Variants in MYH6 observed in about 807,000 individuals in gnomAD.
MYH6 encodes myosin heavy chain 6, also known as myosin-6.
Under a neutral mutation model 223.2 loss-of-function variants are expected in MYH6, and 126 were observed. The ratio of observed to expected loss-of-function variants is 0.56; its 90% CI spans 0.49 to 0.65. The LOEUF is 0.65. Among genes scored for constraint, MYH6 ranks in the 30% least tolerant of loss-of-function variants. MYH6 has a pLI of 0.00. For missense variants in MYH6, 2,040 were observed against 2,536.4 expected (o/e 0.80, Z 4.20); for synonymous variants, 978 against 1,010.2 (o/e 0.97, Z 0.61).
intron 20 of MYH6, among the ~76,000 whole-genome samples, chr14:23,395,774 C>T (rs1471274672): frequency 1.3e-5 from 2 of 151,836 alleles, no homozygotes; most frequent in Admixed American, 6.6e-5. Flanking sequence ...GTGATCCACC[C>T]GCCTCGGCCT....
chr14:23,383,133 C>T (rs1340260420), intron 37 of MYH6, 92 bp downstream of exon 37: 7 of 1,161,366 alleles, frequency 6.0e-6, no homozygotes, highest in Middle Eastern at 2.8e-4. Context: ...TTATAGCAAA[C>T]TCTTTGTCCA....
Position 23,403,786 on chromosome 14 carries a change from C to G in MYH6, c.736-8G>C, listed in dbSNP as rs377383489. ...GATCCTAATGAATTTCCCCTGGGGA[C>G]GAATGGGACAGAGTGAGGGAACTGG... On this transcript the variant is annotated splice_region_variant and splice_polypyrimidine_tract_variant and intron_variant, in intron 8 of 38. Transcript: ENST00000405093. The G allele has an allele frequency of 9.9e-6, 16 of 1,608,098 alleles. No individual in the cohort carries two copies. Among genetic ancestry groups the G allele is most frequent in the African/African-American group, 2.7e-5 (2 of 74,772 alleles).
chr14:23,383,335 G>T lies in MYH6; in HGVS notation c.5566-15C>A, dbSNP rs770872255. The T allele has an allele frequency of 3.9e-5, 19 of 488,948 alleles. No individual in the cohort carries two copies. Among genetic ancestry groups the T allele is most frequent in the Non-Finnish European group, 6.2e-5 (15 of 243,604 alleles). 30.3% of individuals were successfully genotyped at this position (488,948 alleles called of 1,614,324 possible). A position where few individuals can be genotyped will look rare whatever the true frequency, so the allele number is the denominator to read the frequency against. ...TCTTCCTCTGTCTGGGGGTGGGAGGGTGGGAGAAGCTGGTTTGGAGGGGGA... is the reference window on the plus strand; with the variant it reads ...TCTTCCTCTGTCTGGGGGTGGGAGGTTGGGAGAAGCTGGTTTGGAGGGGGA... On this transcript the variant is annotated splice_polypyrimidine_tract_variant and intron_variant, in intron 36 of 38. Coordinates refer to ENST00000405093, the MANE Select transcript of MYH6 (RefSeq NM_002471.4).
At position 23,389,004 on chromosome 14, in the gene MYH6, G is replaced by C; in HGVS notation, c.4030C>G (p.Leu1344Val). The change falls in exon 29 of 39, where the codon CTG (leucine) becomes GTG (valine). Residue 1344 changes from leucine (L) to valine (V), a missense_variant. Physicochemically the swap from Leu to Val is conservative, Grantham distance 32. Transcript: ENST00000405093. ...TCCTCCTCGTACTGCTCCCGCAGCA[G>C]GTCGCAGTCATGCCGGGCCGACTGC... ...ALQSARHDCD[L>V]LREQYEEETE... The C allele has an allele frequency of 1.2e-6, 2 of 1,613,630 alleles. No homozygotes were observed. Among genetic ancestry groups the C allele is most frequent in the African/African-American group, 2.7e-5 (2 of 75,042 alleles).
rs1377585311 is a variant in MYH6, at chr14:23,393,707, G to A, written c.2887C>T (p.Leu963=). The A allele has an allele frequency of 8.1e-6, 13 of 1,614,062 alleles. No homozygotes were observed. In the Admixed American group the frequency reaches 2.2e-4, roughly 27 times the overall value. ...KKDIDDLELT[L]AKVEKEKHAT... is the part of the protein sequence containing the mutation. Reference sequence around the variant, plus strand: ...TGCTTCTCCTTCTCCACCTTGGCCAGTGTCAGCTCCAGGTCATCAATGTCC... The same window carrying A: ...TGCTTCTCCTTCTCCACCTTGGCCAATGTCAGCTCCAGGTCATCAATGTCC... The change falls in exon 22 of 39, where the codon CTG becomes TTG. Residue 963 remains leucine, a synonymous_variant. Transcript: ENST00000405093.
At chr14:23,404,428 C>T (rs750951613) in intron 7 of MYH6, 40 bp from the exon 8 acceptor site, 1 of 1,608,894 alleles carries the variant, frequency 6.2e-7, no homozygotes, top group East Asian at 2.2e-5. Context: ...ATCCTCCATC[C>T]ACCTCCAGGC....
At chr14:23,388,646 G>A (rs772480450) in intron 29 of MYH6, 18 of 898,890 alleles carry the variant, frequency 2.0e-5, no homozygotes, top group South Asian at 9.2e-5. Flanking sequence ...GGTATAACCC[G>A]GGCCAAAAGC....
In MYH6 at chr14:23,394,213, G is replaced by C. The variant is rs759408374; in HGVS notation, c.2540C>G (p.Thr847Arg). 3 of 1,614,194 alleles carry C rather than the reference G, an allele frequency of 1.9e-6. No individual in the cohort carries two copies. Among genetic ancestry groups the C allele is most frequent in the East Asian group, 2.2e-5 (1 of 44,886 alleles). Residue 847 changes from threonine to arginine, a missense_variant, in exon 21 of 39, where the codon ACG becomes AGG. Around this residue, in one of 4 missense-constraint regions of MYH6, gnomAD observed 649 missense variants for 877.3 expected, o/e 0.74. Transcript: ENST00000405093. Reference sequence around the variant, plus strand: ...CTTCATGGTGGCCATCTCCTTCTCCGTCTCTGCGCTCTTCAGCAGCGGCTT... The same window carrying C: ...CTTCATGGTGGCCATCTCCTTCTCCCTCTCTGCGCTCTTCAGCAGCGGCTT... ...KIKPLLKSAE[T>R]EKEMATMKEE...
intron 26 of MYH6, 33 bp downstream of exon 26, chr14:23,390,024 G>A: frequency 6.2e-7 from 1 of 1,613,578 alleles, no homozygotes; most frequent in Non-Finnish European, 8.5e-7. Context: ...GCTGTGCAGG[G>A]GAGAGGGCGA....
chr14:23,407,610 T>C lies in MYH6; in HGVS notation c.-46-2A>G, dbSNP rs991798370. ...CCTTCACGGAGAATCCTGAAGAATC[T>C]GGACCGTGGGTGGAGCAAGGAACAA... is the stretch of plus-strand genomic sequence containing the variant. On this transcript the variant is annotated splice_acceptor_variant, in intron 1 of 38. Transcript: ENST00000405093. LOFTEE classifies it low-confidence loss of function (5UTR_SPLICE). This position sits in a 1 kb window ranked among gnomAD's most constrained non-coding sequence, Gnocchi z 5.6. 26 of 1,153,498 alleles carry C rather than the reference T, an allele frequency of 2.3e-5. No individual in the cohort carries two copies. In the African/African-American group the frequency reaches 4.0e-4, roughly 18 times the overall value. 71.5% of individuals were successfully genotyped at this position (1,153,498 alleles called of 1,614,324 possible). A position where few individuals can be genotyped will look rare whatever the true frequency, so the allele number is the denominator to read the frequency against.
intron 9 of MYH6, 101 bp from the exon 10 acceptor site, chr14:23,403,547 G>T: frequency 1.7e-6 from 2 of 1,189,154 alleles, no homozygotes; most frequent in Non-Finnish European, 2.5e-6. Context: ...CCCACAGCTT[G>T]ATGAAGAGGG....
In MYH6 at chr14:23,386,131, C is replaced by T. The variant is rs767658491; in HGVS notation, c.4960G>A (p.Asp1654Asn). The change falls in exon 34 of 39, where the codon GAC becomes AAC. Residue 1654 changes from aspartate (D) to asparagine (N), a missense_variant and splice_region_variant. Coordinates refer to ENST00000405093, the MANE Select transcript of MYH6 (RefSeq NM_002471.4). ...GCATCGTCCAGCTGGATCTGGGTGT[C>T]CTGAGCATCAGGAGAGTGGGTGTGA... ...QVKSLQSLLK[D>N]TQIQLDDAVR... 3 of 1,614,224 alleles carry T rather than the reference C, an allele frequency of 1.9e-6. No individual in the cohort carries two copies. The highest frequency in any genetic ancestry group is 2.5e-6 in the Non-Finnish European group (3 of 1,180,044).
In MYH6 at chr14:23,388,947, G is replaced by T. The variant is rs1891133485; in HGVS notation, c.4087C>A (p.Leu1363Met). 6.2e-7 allele frequency: 1 copy of T among 1,613,754 alleles called. No individual in the cohort carries two copies. The highest frequency in any genetic ancestry group is 1.3e-5 in the African/African-American group (1 of 75,050). ...GCCACCTCCGAGTTGGCCTTGGACA[G>T]GACGCGCTGCAGCTCGGCCTTGGCC... The part of the protein sequence containing the change: ...TEAKAELQRV[L>M]SKANSEVAQW... Residue 1363 changes from leucine (L) to methionine (M), a missense_variant, in exon 29 of 39, where the codon CTG becomes ATG. Coordinates refer to ENST00000405093, the MANE Select transcript of MYH6 (RefSeq NM_002471.4).
intron 1 of MYH6, 125 bp downstream of exon 1, chr14:23,408,128 A>G: frequency 1.7e-6 from 1 of 581,028 alleles, no homozygotes; most frequent in Non-Finnish European, 2.2e-6. Flanking sequence ...GCCTGGAGAT[A>G]GGCAGTTTTA....
chr14:23,384,385 A>C, intron 36 of MYH6, 57 bp downstream of exon 36: 1 of 1,602,072 alleles, frequency 6.2e-7, no homozygotes, highest in Non-Finnish European at 8.5e-7. Context: ...AGGGCGGGGC[A>C]GTGGGGCCAG....
chr14:23,398,642 T>C, intron 15 of MYH6, 86 bp downstream of exon 15: 5 of 1,497,058 alleles, frequency 3.3e-6, no homozygotes, highest in Non-Finnish European at 3.7e-6. Flanking sequence ...TGCCTGCCTA[T>C]GGAGTCATGT....
chr14:23,389,044 G>GGC lies in MYH6; in HGVS notation c.3988_3989dup (p.Leu1331ProfsTer98). ...GGGCCGACTGCAGTGCATGGGCCAG[G>GGC]GCGTTCTTCGCCTGGGGAGGGGGGG... is the stretch of plus-strand genomic sequence containing the variant. On this transcript the variant is annotated frameshift_variant, in exon 29 of 39. Coordinates refer to ENST00000405093, the MANE Select transcript of MYH6 (RefSeq NM_002471.4). LOFTEE classifies it high-confidence loss of function. The GGC allele has an allele frequency of 6.3e-7, 1 of 1,589,518 alleles. No individual in the cohort carries two copies.
chr14:23,392,920 C>T lies in MYH6; in HGVS notation c.3243G>A (p.Lys1081=). ...CCACCACAGTCTCCTACTTCTTAAGCTTTTCTTCCAGCTGCAGTTTATCAT... is the reference window on the plus strand; with the variant it reads ...CCACCACAGTCTCCTACTTCTTAAGTTTTTCTTCCAGCTGCAGTTTATCAT... ...LENDKLQLEE[K]LKKKEFDINQ... The change falls in exon 24 of 39, where the codon AAG becomes AAA. Residue 1081 remains lysine, a synonymous_variant. Transcript: ENST00000405093. 1 of 1,613,996 alleles carries T rather than the reference C, an allele frequency of 6.2e-7. No individual in the cohort carries two copies. The highest frequency in any genetic ancestry group is 1.1e-5 in the South Asian group (1 of 91,076).
intron 10 of MYH6, among the ~76,000 whole-genome samples, chr14:23,403,127 T>G (rs1595063130): frequency 1.4e-5 from 2 of 146,234 alleles, no homozygotes; most frequent in African/African-American, 2.5e-5. Flanking sequence ...GAGAGAAGGG[T>G]GGAGAAGGAG....
Sources: gnomAD v4.1 joint callset for allele counts (sites outside exome capture counted in the v4.1 genomes callset) on GRCh38, gnomAD v4.1.1 for gene constraint, gnomAD v4.1.1 regional missense constraint, Gnocchi (gnomAD v3.1) non-coding constraint, MANE v1.5 for transcripts, NCBI Gene and HGNC (gene_info 2026-07-23, HGNC 2026-07-21) for gene names.